Variants in FGFR1 observed in about 807,000 individuals in gnomAD.
FGFR1 encodes the protein FGFR1/PLAG1 fusion.
In FGFR1, 18 loss-of-function variants were observed where a neutral mutation model predicts 93.7. That is an observed-to-expected ratio of 0.19 (90% CI 0.13 to 0.28). The LOEUF is 0.28. Ranked by LOEUF, FGFR1 falls within the 10% of genes least tolerant of loss-of-function variation. The pLI is 1.00. For synonymous variants in FGFR1, 448 were observed against 429.3 expected (o/e 1.04, Z -0.54); for missense variants, 731 against 1,080.4 (o/e 0.68, Z 4.53).
chr8:38,458,494 T>C (rs1833511501), intron 1 of FGFR1, among the ~76,000 whole-genome samples: 1 of 151,986 alleles, frequency 6.6e-6, no homozygotes. Context: ...TGAGCCGAGA[T>C]CGCAGCACTG....
intron 7 of FGFR1, chr8:38,422,715 C>G (rs1819268447): frequency 1.6e-5 from 6 of 364,172 alleles, no homozygotes; most frequent in African/African-American, 1.0e-4. Flanking sequence ...GGCCCCTTCT[C>G]TTAATCACCA....
Position 38,429,029 on chromosome 8 carries a change from A to G in FGFR1, c.359-594T>C, listed in dbSNP as rs1411992869. On this transcript the variant is annotated intron_variant, in intron 3 of 17. Coordinates refer to ENST00000447712, the MANE Select transcript of FGFR1 (RefSeq NM_023110.3). The surrounding 1 kb of genome is among the most constrained non-coding windows in gnomAD (Gnocchi z 4.4). Reference sequence around the variant, plus strand: ...CTTGATACACATGTGGTCACCCATCAGGGTTCATGCCAGATCTTTCTCCAG... The same window carrying G: ...CTTGATACACATGTGGTCACCCATCGGGGTTCATGCCAGATCTTTCTCCAG... 2.1e-5 allele frequency: 7 copies of G among 341,444 alleles called. No individual in the cohort carries two copies. The highest frequency in any genetic ancestry group is 4.0e-5 in the Non-Finnish European group (7 of 173,120). The allele number at this position is 341,444 out of a possible 1,614,324, so 21.2% of individuals were successfully genotyped here.
intron 2 of FGFR1, among the ~76,000 whole-genome samples, chr8:38,443,541 C>A (rs1159581861): frequency 1.3e-5 from 2 of 150,560 alleles, no homozygotes; most frequent in South Asian, 4.2e-4. Context: ...GGCATGGTAG[C>A]GTGCACCTGT....
chr8:38,434,399 G>T, intron 2 of FGFR1: 1 of 304,906 alleles, frequency 3.3e-6, no homozygotes. Flanking sequence ...CATCTGCAAT[G>T]GTGACTTCCA....
chr8:38,457,285 T>C lies in FGFR1; in HGVS notation c.91+71A>G, dbSNP rs1586744936. The C allele has an allele frequency of 9.0e-6, 14 of 1,548,594 alleles. No individual in the cohort carries two copies. In the East Asian group the frequency reaches 3.2e-4, roughly 35 times the overall value. On this transcript the variant is annotated intron_variant, in intron 2 of 17. Transcript: ENST00000447712. ...CTGTTGACCACATCACCTGCAACCA[T>C]ATCACCTCCCTCCCAGCCCATCCTG...
intron 1 of FGFR1, among the ~76,000 whole-genome samples, chr8:38,464,324 A>G (rs1321059602): frequency 6.6e-6 from 1 of 151,446 alleles, no homozygotes; most frequent in Non-Finnish European, 1.5e-5. Context: ...AAAAAAAAAA[A>G]AAAAAAAAAA....
intron 1 of FGFR1, chr8:38,467,550 AAC>A (rs1170354623): frequency 2.6e-5 from 6 of 234,462 alleles, no homozygotes; most frequent in East Asian, 2.4e-4. Flanking sequence ...AGTGGAATGC[AAC>A]ACACACACAT....
rs529132834 is a variant in FGFR1, at chr8:38,412,017, G to A, written c.*1611C>T. ...GCACTGGCAAAACCATGCCCACATAGAGGGGGCAGACACATGTCTGGGTTT... is the reference window on the plus strand; with the variant it reads ...GCACTGGCAAAACCATGCCCACATAAAGGGGGCAGACACATGTCTGGGTTT... On this transcript the variant is annotated 3_prime_UTR_variant, in exon 18 of 18. Coordinates refer to ENST00000447712, the MANE Select transcript of FGFR1 (RefSeq NM_023110.3). The A allele has an allele frequency of 8.8e-6, 2 of 228,558 alleles. No homozygotes were observed. Among genetic ancestry groups the A allele is most frequent in the Non-Finnish European group, 1.7e-5 (2 of 115,216 alleles). 14.2% of individuals were successfully genotyped at this position (228,558 alleles called of 1,614,324 possible). A position where few individuals can be genotyped will look rare whatever the true frequency, so the allele number is the denominator to read the frequency against.
Position 38,424,710 on chromosome 8 carries a change from T to C in FGFR1, c.746-11A>G. ...GGTGAGGGGACCGCTCTGTGGAAGA[T>C]GGGAGAGGAGGCACTTGTCATGGGG... is the stretch of plus-strand genomic sequence containing the variant. On this transcript the variant is annotated splice_polypyrimidine_tract_variant and intron_variant, in intron 6 of 17. Coordinates refer to ENST00000447712, the MANE Select transcript of FGFR1 (RefSeq NM_023110.3). This position sits in a 1 kb window ranked among gnomAD's most constrained non-coding sequence, Gnocchi z 4.3. 1 of 1,607,656 alleles carries C rather than the reference T, an allele frequency of 6.2e-7. No homozygotes were observed. Among genetic ancestry groups the C allele is most frequent in the Non-Finnish European group, 8.5e-7 (1 of 1,174,848 alleles).
intron 8 of FGFR1, among the ~76,000 whole-genome samples, chr8:38,421,264 G>A (rs990074634): frequency 6.6e-6 from 1 of 152,214 alleles, no homozygotes; most frequent in Non-Finnish European, 1.5e-5. Context: ...GCGGCTGCCT[G>A]AGACAGGCCT....
chr8:38,418,581 T>G (rs1467212228), intron 9 of FGFR1: 1 of 604,274 alleles, frequency 1.7e-6, no homozygotes. Context: ...CTGGCCTTTC[T>G]GGACTTCACT....
chr8:38,463,098 G>A (rs1182947578), intron 1 of FGFR1: 4 of 153,254 alleles, frequency 2.6e-5, no homozygotes, highest in South Asian at 2.1e-4. Flanking sequence ...TAGACACAGG[G>A]TCTCACCATG....
chr8:38,465,091 G>C lies in FGFR1; in HGVS notation c.-89+2890C>G, dbSNP rs552377134. ...CTGGAGTCCACCAGGAATAAAGCTA[G>C]CCCAGCCTGAGGGATGCACCGATGT... On this transcript the variant is annotated intron_variant, in intron 1 of 17. Coordinates refer to ENST00000447712, the MANE Select transcript of FGFR1 (RefSeq NM_023110.3). Among the ~76,000 whole-genome samples the C allele has an allele frequency of 4.6e-5, 7 of 152,288 alleles. No individual in the cohort carries two copies. In the Middle Eastern group the frequency reaches 0.014, roughly 296 times the overall value.
chr8:38,422,189 T>C (rs1263438205), intron 7 of FGFR1: 6 of 529,028 alleles, frequency 1.1e-5, no homozygotes, highest in Admixed American at 3.1e-5. Context: ...CTTCACCAGA[T>C]GCTGGCAGCC....
At chr8:38,434,883 T>C (rs1458714525) in intron 2 of FGFR1, 1 of 152,718 alleles carries the variant, frequency 6.5e-6, no homozygotes, top group African/African-American at 2.4e-5. Flanking sequence ...GTTTGTTTTT[T>C]TGAGACAGAA....
rs2150625603 is a variant in FGFR1 at position 38,417,322 on chromosome 8, C to T, written c.1647G>A (p.Gly549=). The T allele has an allele frequency of 6.2e-7, 1 of 1,613,312 alleles. No individual in the cohort carries two copies. Residue 549 remains glycine (G), a synonymous_variant, in exon 12 of 18, where the codon GGG becomes GGA. Coordinates refer to ENST00000447712, the MANE Select transcript of FGFR1 (RefSeq NM_023110.3). ...GKHKNIINLL[G]ACTQDGPLYV... is the part of the protein sequence containing the mutation. ...GGCACCCACCATCCTGCGTGCAGGC[C>T]CCCAGCAGGTTGATGATATTCTTAT...
intron 13 of FGFR1, 170 bp downstream of exon 13, chr8:38,415,698 GGT>G: frequency 1.4e-6 from 1 of 717,826 alleles, no homozygotes; most frequent in Non-Finnish European, 2.4e-6. Flanking sequence ...TGGCTACACT[GGT>G]GCTCCTGACT....
intron 2 of FGFR1, 79 bp downstream of exon 2, chr8:38,457,277 T>C (rs944393039): frequency 8.2e-5 from 124 of 1,511,276 alleles, no homozygotes; most frequent in Non-Finnish European, 1.1e-4. Context: ...CCACATCACC[T>C]GCAACCATAT....
chr8:38,464,425 C>T (rs1835091204), intron 1 of FGFR1, among the ~76,000 whole-genome samples: 1 of 150,966 alleles, frequency 6.6e-6, no homozygotes, highest in African/African-American at 2.4e-5. Flanking sequence ...CCACCAAATT[C>T]TTGGGATAGT....
Sources: gnomAD v4.1 joint callset for allele counts (sites outside exome capture counted in the v4.1 genomes callset) on GRCh38, gnomAD v4.1.1 for gene constraint, Gnocchi (gnomAD v3.1) non-coding constraint, MANE v1.5 for transcripts, NCBI Gene and HGNC (gene_info 2026-07-23, HGNC 2026-07-21) for gene names.